Variants in ATP13A4 observed in about 807,000 individuals in gnomAD.
ATP13A4 encodes the protein ATPase 13A4, also known as probable cation-transporting ATPase 13A4.
Under a neutral mutation model 142.5 loss-of-function variants are expected in ATP13A4, and 114 were observed. That is an observed-to-expected ratio of 0.80 (90% CI 0.69 to 0.93). ATP13A4 has a LOEUF of 0.93. Ranked by LOEUF, ATP13A4 falls within the 40% of genes least tolerant of loss-of-function variation. The pLI is 0.00. For missense variants in ATP13A4, 1,392 were observed against 1,454.0 expected, an observed-to-expected ratio of 0.96 and a Z score of 0.69; for synonymous variants, 488 against 514.8, an observed-to-expected ratio of 0.95 and a Z score of 0.70.
intron 9 of ATP13A4, 139 bp downstream of exon 9, chr3:193,470,720 G>T: frequency 8.3e-7 from 1 of 1,207,634 alleles, no homozygotes; most frequent in Non-Finnish European, 1.2e-6. Flanking sequence ...AAGATTTGTG[G>T]CAACGGGAAG....
At chr3:193,560,561 T>C (rs1560283200) in intron 2 of ATP13A4, among the ~76,000 whole-genome samples, 1 of 152,196 alleles carries the variant, frequency 6.6e-6, no homozygotes, top group African/African-American at 2.4e-5. Flanking sequence ...ACAGTATCTC[T>C]AGAATATTTA....
At chr3:193,534,832 C>A (rs1218880444) in intron 1 of ATP13A4, among the ~76,000 whole-genome samples, 1 of 152,020 alleles carries the variant, frequency 6.6e-6, no homozygotes, top group Non-Finnish European at 1.5e-5. Flanking sequence ...CCGAAAACAT[C>A]TCAAATTTGG....
intron 1 of ATP13A4, 128 bp from the exon 2 acceptor site, chr3:193,514,999 G>A: frequency 1.0e-6 from 1 of 972,440 alleles, no homozygotes. Context: ...AGAGGGCAGG[G>A]TGAGGCATGG....
At chr3:193,555,013 T>G (rs971256959), upstream of ATP13A4, 163 of 1,216,538 alleles carry the variant, frequency 1.3e-4, no homozygotes, top group Admixed American at 1.8e-4. Flanking sequence ...CTAGGAGGAA[T>G]TGCTGGCTGC....
In ATP13A4 at chr3:193,454,498, C is replaced by G. The variant is rs367585700; in HGVS notation, c.1916-286G>C. On this transcript the variant is annotated intron_variant, in intron 16 of 29. Coordinates refer to ENST00000342695, the MANE Select transcript of ATP13A4 (RefSeq NM_032279.4). ...TAACCAACAAACATTTATTGAGAAT[C>G]TACCATCTGGCAGGCATTGGCTATG... Among the ~76,000 whole-genome samples, 3 of 152,186 alleles carry G rather than the reference C, an allele frequency of 2.0e-5. No homozygotes were observed. The South Asian group carries it at 6.2e-4, about 32-fold the overall frequency.
At chr3:193,585,599 T>A (rs765100454) in intron 1 of ATP13A4, among the ~76,000 whole-genome samples, 2 of 152,214 alleles carry the variant, frequency 1.3e-5, no homozygotes, top group Admixed American at 6.5e-5. Flanking sequence ...ACACCCCTGT[T>A]CTAAATGTTT....
At position 193,422,717 on chromosome 3, in the gene ATP13A4, A is replaced by T. The variant is rs1203396037; in HGVS notation, c.2843-7967T>A. ...AAACAAACACAGCAAAACCTTTGGG[A>T]TACAGCAAAAGCAGTACTCAAAGGA... On this transcript the variant is annotated intron_variant, in intron 25 of 29. Transcript: ENST00000342695. 2.7e-5 allele frequency among the ~76,000 whole-genome samples: 4 copies of T among 149,742 alleles called. 1 individual carries two copies. Among genetic ancestry groups the T allele is most frequent in the African/African-American group, 9.8e-5 (4 of 40,788 alleles).
At chr3:193,566,539 C>A (rs1040954151) in intron 2 of ATP13A4, among the ~76,000 whole-genome samples, 4 of 152,180 alleles carry the variant, frequency 2.6e-5, no homozygotes, top group Non-Finnish European at 5.9e-5. Context: ...GAGCCTGGCA[C>A]CCCTTTCCCT....
chr3:193,579,006 G>T, intron 2 of ATP13A4: 1 of 199,536 alleles, frequency 5.0e-6, no homozygotes. Context: ...TAAGGCAGAA[G>T]GGCATGATCA....
rs1203340551 is a variant in ATP13A4, at chr3:193,419,977, G to A, written c.2843-5227C>T. Among the ~76,000 whole-genome samples, 2 of 149,906 alleles carry A rather than the reference G, an allele frequency of 1.3e-5. 1 individual carries two copies. Among genetic ancestry groups the A allele is most frequent in the Admixed American group, 1.4e-4 (2 of 14,514 alleles). On this transcript the variant is annotated intron_variant, in intron 25 of 29. Coordinates refer to ENST00000342695, the MANE Select transcript of ATP13A4 (RefSeq NM_032279.4). ...TCAGGGTCCAAGGTCACCACTGGAT[G>A]GTGCTTCATCTCCCAGGGAACTTCG... is the stretch of plus-strand genomic sequence containing the variant.
rs1553862286 is a variant in ATP13A4, at chr3:193,573,308, C to CATATAT, written n.291+8393_291+8398dup. 1.9e-5 allele frequency among the ~76,000 whole-genome samples: 2 copies of CATATAT among 103,674 alleles called. 1 individual carries two copies. The highest frequency in any genetic ancestry group is 9.5e-5 in the African/African-American group (2 of 21,144). The allele number at this position is 103,674 out of a possible 152,430, so 68.0% of individuals were successfully genotyped here. A position where few individuals can be genotyped will look rare whatever the true frequency, so the allele number is the denominator to read the frequency against. ...ATATATACACATATATATATATATA[C>CATATAT]ATATATATATATATATATAATTTGT... On this transcript the variant is annotated intron_variant and non_coding_transcript_variant, in intron 2 of 3. Coordinates refer to the ATP13A4 transcript ENST00000489140.
At chr3:193,427,964 T>C (rs1715758189) in intron 25 of ATP13A4, among the ~76,000 whole-genome samples, 1 of 152,048 alleles carries the variant, frequency 6.6e-6, no homozygotes, top group Non-Finnish European at 1.5e-5. Context: ...CAAAACAGCT[T>C]CTACACAGCA....
intron 5 of ATP13A4, 115 bp downstream of exon 5, chr3:193,492,802 G>T: frequency 1.3e-6 from 1 of 793,862 alleles, no homozygotes; most frequent in South Asian, 1.5e-5. Context: ...ATACTAAATA[G>T]AGCATTATAA....
At chr3:193,475,332 T>G (rs1718902555) in intron 8 of ATP13A4, among the ~76,000 whole-genome samples, 1 of 152,030 alleles carries the variant, frequency 6.6e-6, no homozygotes, top group Non-Finnish European at 1.5e-5. Flanking sequence ...ATGAAGAATA[T>G]CTGTATATAC....
chr3:193,415,784 C>T (rs1576937801), intron 25 of ATP13A4, among the ~76,000 whole-genome samples: 1 of 152,172 alleles, frequency 6.6e-6, no homozygotes, highest in Non-Finnish European at 1.5e-5. Context: ...ATAAAATAAC[C>T]ATCTAAAGCC....
At chr3:193,585,706 T>C (rs1486637312) in intron 1 of ATP13A4, among the ~76,000 whole-genome samples, 2 of 152,150 alleles carry the variant, frequency 1.3e-5, no homozygotes, top group Non-Finnish European at 2.9e-5. Flanking sequence ...TGAGGAGTAT[T>C]TCATTGTGTA....
chr3:193,473,838 A>G (rs2108649845), intron 8 of ATP13A4, among the ~76,000 whole-genome samples: 1 of 152,306 alleles, frequency 6.6e-6, no homozygotes, highest in Non-Finnish European at 1.5e-5. Context: ...TTCAACTAAA[A>G]ATTGAAGATT....
intron 20 of ATP13A4, among the ~76,000 whole-genome samples, chr3:193,441,064 T>C (rs1716610280): frequency 6.6e-6 from 1 of 152,108 alleles, no homozygotes; most frequent in Non-Finnish European, 1.5e-5. Context: ...AAGCTTTAAG[T>C]TTGACCCTCT....
intron 17 of ATP13A4, among the ~76,000 whole-genome samples, chr3:193,449,778 G>T (rs1377912579): frequency 2.0e-5 from 3 of 152,112 alleles, no homozygotes; most frequent in African/African-American, 4.8e-5. Flanking sequence ...CCCTCCCAAT[G>T]TTCTGAGCCT....
Sources: allele counts gnomAD v4.1 joint callset (sites outside exome capture counted in the v4.1 genomes callset), GRCh38; gene constraint gnomAD v4.1.1; transcripts MANE v1.5; gene names NCBI Gene and HGNC (gene_info 2026-07-23, HGNC 2026-07-21).